The following TMEFF1 variants were observed in gnomAD, a reference collection of about 807,000 sequenced individuals.
The protein encoded by TMEFF1 is tomoregulin-1.
Under a neutral mutation model 47.5 loss-of-function variants are expected in TMEFF1, and 20 were observed. The observed-to-expected ratio is 0.42, with a 90% confidence interval of 0.30 to 0.61. The LOEUF (loss-of-function observed/expected upper bound fraction) is 0.61, where lower values mean the gene tolerates loss of function less well. Ranked by LOEUF, TMEFF1 falls within the 20% of genes least tolerant of loss-of-function variation. The probability of loss-of-function intolerance (pLI) is 0.19; values close to 1 mark genes in which losing one functional copy is unlikely to be tolerated. For synonymous variants in TMEFF1, 162 were observed against 166.3 expected (o/e 0.97, Z 0.20); for missense variants, 411 against 471.1 (o/e 0.87, Z 1.18).
At chr9:100,508,222 A>G (rs1291883452) in intron 2 of TMEFF1, among the ~76,000 whole-genome samples, 2 of 152,176 alleles carry the variant, frequency 1.3e-5, no homozygotes, top group South Asian at 2.1e-4. Context: ...TCATATTGTT[A>G]TAACATTTTC....
chr9:100,561,447 C>T lies in TMEFF1; in HGVS notation c.826C>T (p.Pro276Ser), dbSNP rs1383094728. 5.0e-6 allele frequency: 8 copies of T among 1,613,618 alleles called. No homozygotes were observed. Among genetic ancestry groups the T allele is most frequent in the African/African-American group, 1.3e-5 (1 of 74,878 alleles). The change falls in exon 8 of 10, where the codon CCT (proline) becomes TCT (serine). Residue 276 changes from proline to serine, a missense_variant. By Grantham distance (74) the Pro-to-Ser change is moderately conservative. Transcript: ENST00000374879. ...TTATATTGGAAACCACATGCCTTGCCCTGAAAACCTCAATGGTTACTGCAT... is the reference window on the plus strand; with the variant it reads ...TTATATTGGAAACCACATGCCTTGCTCTGAAAACCTCAATGGTTACTGCAT... The part of the protein sequence containing the change: ...DVYIGNHMPC[P>S]ENLNGYCIHG...
chr9:100,534,127 G>A (rs1023576795), intron 5 of TMEFF1, among the ~76,000 whole-genome samples: 2 of 152,204 alleles, frequency 1.3e-5, no homozygotes, highest in Non-Finnish European at 1.5e-5. Context: ...TCCCTAGTGT[G>A]TTAGAAAGAA....
Position 100,550,083 on chromosome 9 carries a change from C to G in TMEFF1, c.710-12C>G. The stretch of plus-strand genomic sequence containing the variant: ...GTATATATTTTAATTTGAAAACCGT[C>G]TTCTCTTACAGATACAGATGACACT... On this transcript the variant is annotated splice_polypyrimidine_tract_variant and intron_variant, in intron 6 of 9. Transcript: ENST00000374879. 6.2e-7 allele frequency: 1 copy of G among 1,602,770 alleles called. No individual in the cohort carries two copies. The highest frequency in any genetic ancestry group is 1.1e-5 in the South Asian group (1 of 88,580).
intron 5 of TMEFF1, among the ~76,000 whole-genome samples, chr9:100,522,582 A>G (rs764334791): frequency 2.7e-5 from 4 of 150,648 alleles, no homozygotes; most frequent in Non-Finnish European, 5.9e-5. Context: ...GATTACAGGT[A>G]CCTGCCACCA....
At chr9:100,484,043 A>G (rs758577773) in intron 1 of TMEFF1, among the ~76,000 whole-genome samples, 4 of 152,120 alleles carry the variant, frequency 2.6e-5, no homozygotes, top group South Asian at 2.1e-4. Context: ...TTACCTTTGT[A>G]TAGAGTAGAT....
Position 100,473,709 on chromosome 9 carries a change from C to A in TMEFF1, c.165C>A (p.Pro55=), listed in dbSNP as rs751643047. The change falls in exon 1 of 10, where the codon CCC becomes CCA. Residue 55 remains proline (P), a synonymous_variant. Transcript: ENST00000374879. The surrounding 1 kb of genome is among the most constrained non-coding windows in gnomAD (Gnocchi z 5.4). ...GCGGCGGCAGCGGCGGGGACTGTCC[C>A]GGCGGCAAAGGCAAGAGCATCAACT... ...GGGGGSGGDC[P]GGKGKSINCS... is the part of the protein sequence containing the mutation. 261 of 1,530,716 alleles carry A rather than the reference C, an allele frequency of 1.7e-4. No individual in the cohort carries two copies. The highest frequency in any genetic ancestry group is 2.3e-4 in the Non-Finnish European group (259 of 1,137,846). 94.8% of individuals were successfully genotyped at this position (1,530,716 alleles called of 1,614,324 possible). A position where few individuals can be genotyped will look rare whatever the true frequency, so the allele number is the denominator to read the frequency against.
intron 6 of TMEFF1, 132 bp downstream of exon 6, chr9:100,548,024 A>G: frequency 1.8e-6 from 2 of 1,091,028 alleles, no homozygotes; most frequent in African/African-American, 1.6e-5. Context: ...ATTACTTTAT[A>G]TTTCAGATTT....
intron 5 of TMEFF1, among the ~76,000 whole-genome samples, chr9:100,542,491 C>T (rs1838651559): frequency 6.6e-6 from 1 of 152,166 alleles, no homozygotes; most frequent in Non-Finnish European, 1.5e-5. Context: ...TTTACTCCTT[C>T]CAAGTTACTT....
intron 8 of TMEFF1, among the ~76,000 whole-genome samples, chr9:100,564,883 T>G (rs901532418): frequency 2.6e-5 from 4 of 152,158 alleles, no homozygotes; most frequent in African/African-American, 9.7e-5. Context: ...GTGGTTGAAC[T>G]CACAGATGTT....
chr9:100,574,445 C>G (rs1839309063), intron 9 of TMEFF1, among the ~76,000 whole-genome samples: 1 of 152,104 alleles, frequency 6.6e-6, no homozygotes, highest in African/African-American at 2.4e-5. Flanking sequence ...AGTGCAGTGG[C>G]ATGATCTTGG....
At chr9:100,548,190 A>G (rs537122723) in intron 6 of TMEFF1, among the ~76,000 whole-genome samples, 6 of 152,210 alleles carry the variant, frequency 3.9e-5, no homozygotes, top group South Asian at 2.1e-4. Context: ...CAAATTTGGA[A>G]TGATTATAGC....
At chr9:100,566,653 A>G (rs1017490859) in intron 8 of TMEFF1, among the ~76,000 whole-genome samples, 1 of 152,086 alleles carries the variant, frequency 6.6e-6, no homozygotes, top group Non-Finnish European at 1.5e-5. Flanking sequence ...ATTGTATTCT[A>G]CAGTCCATAA....
At chr9:100,542,927 T>C (rs994945731) in intron 5 of TMEFF1, among the ~76,000 whole-genome samples, 4 of 146,512 alleles carry the variant, frequency 2.7e-5, no homozygotes, top group Non-Finnish European at 4.5e-5. Context: ...CTCTCTCTTT[T>C]TTTTTTTTTT....
At chr9:100,575,070 TA>T (rs1248715847) in intron 9 of TMEFF1, among the ~76,000 whole-genome samples, 2 of 152,192 alleles carry the variant, frequency 1.3e-5, no homozygotes, top group African/African-American at 2.4e-5. Flanking sequence ...TTTATTATGG[TA>T]TTTCCTCCCC....
chr9:100,542,407 C>T (rs1392913919), intron 5 of TMEFF1, among the ~76,000 whole-genome samples: 1 of 152,168 alleles, frequency 6.6e-6, no homozygotes, highest in Non-Finnish European at 1.5e-5. Flanking sequence ...TCAGACTTTC[C>T]TTAAAGGATC....
intron 5 of TMEFF1, chr9:100,518,457 T>C: frequency 2.0e-6 from 2 of 985,394 alleles, no homozygotes; most frequent in Non-Finnish European, 1.2e-6. Flanking sequence ...ACATAGACCA[T>C]GGAAGGGCTT....
chr9:100,536,616 C>G (rs2151106), intron 5 of TMEFF1, among the ~76,000 whole-genome samples: 34,102 of 152,122 alleles, frequency 0.22, 4,193 homozygotes, highest in South Asian at 0.33. Context: ...TAAGTCTTCT[C>G]TTGATTATTA....
chr9:100,485,725 A>G (rs552709204), intron 1 of TMEFF1, among the ~76,000 whole-genome samples: 85 of 152,276 alleles, frequency 5.6e-4, no homozygotes, highest in Middle Eastern at 3.4e-3. Context: ...CTTTATTCAT[A>G]TAATTCTATT....
At chr9:100,509,740 C>CT (rs1040607438) in intron 3 of TMEFF1, among the ~76,000 whole-genome samples, 31 of 150,512 alleles carry the variant, frequency 2.1e-4, no homozygotes, top group Non-Finnish European at 3.5e-4. Flanking sequence ...CACCACTGTG[C>CT]TCCAGCCTGG....
Sources: allele counts gnomAD v4.1 joint callset (sites outside exome capture counted in the v4.1 genomes callset), GRCh38; gene constraint gnomAD v4.1.1; non-coding constraint Gnocchi (gnomAD v3.1); transcripts MANE v1.5; gene names NCBI Gene and HGNC (gene_info 2026-07-23, HGNC 2026-07-21).